Variants in TGFA observed in about 807,000 individuals in gnomAD.
TGFA encodes transforming growth factor alpha.
A neutral mutation model predicts 21.7 loss-of-function variants in TGFA; 12 were observed. The ratio of observed to expected loss-of-function variants is 0.55; its 90% CI spans 0.35 to 0.90. The LOEUF is 0.90. Ranked by LOEUF, TGFA falls within the 40% of genes least tolerant of loss-of-function variation. The probability of loss-of-function intolerance (pLI) is 0.01; values close to 1 mark genes in which losing one functional copy is unlikely to be tolerated. For missense variants in TGFA, 178 were observed against 210.8 expected (o/e 0.84, Z 0.96); for synonymous variants, 79 against 88.1 (o/e 0.90, Z 0.58).
chr2:70,474,969 C>CGTGTGTGTGTGTGTGTGT (rs57147767), intron 2 of TGFA, among the ~76,000 whole-genome samples: 1 of 147,592 alleles, frequency 6.8e-6, no homozygotes, highest in Admixed American at 6.7e-5. Flanking sequence ...ACACAGCAGC[C>CGTGTGTGTGTGTGTGTGT]GTGTGTGTGT....
Position 70,508,435 on chromosome 2 carries a change from A to G in TGFA, c.94+6424T>C, listed in dbSNP as rs186904520. ...ACGCTAGCCTGGGTGACAAGAGCAA[A>G]ACTCCATCTCAAAACAAACAAACAA... is the stretch of plus-strand genomic sequence containing the variant. On this transcript the variant is annotated intron_variant, in intron 2 of 5. Coordinates refer to ENST00000295400, the MANE Select transcript of TGFA (RefSeq NM_003236.4). Among the ~76,000 whole-genome samples the G allele has an allele frequency of 8.5e-4, 130 of 152,268 alleles. 1 individual carries two copies. Among genetic ancestry groups the G allele is most frequent in the Middle Eastern group, 3.4e-3 (1 of 294 alleles).
At chr2:70,476,091 A>AT (rs1286028448) in intron 2 of TGFA, among the ~76,000 whole-genome samples, 3 of 149,980 alleles carry the variant, frequency 2.0e-5, no homozygotes, top group African/African-American at 4.9e-5. Context: ...AAAAAAAAAA[A>AT]AAAAAAAAAA....
chr2:70,488,161 C>T (rs1197182220), intron 2 of TGFA, among the ~76,000 whole-genome samples: 1 of 152,072 alleles, frequency 6.6e-6, no homozygotes, highest in African/African-American at 2.4e-5. Flanking sequence ...TCTTTCTTGT[C>T]TATTTGAAAG....
chr2:70,482,808 C>T (rs1278104099), intron 2 of TGFA, among the ~76,000 whole-genome samples: 1 of 152,044 alleles, frequency 6.6e-6, no homozygotes, highest in Non-Finnish European at 1.5e-5. Context: ...TAAACTTTTC[C>T]TTATATGTCT....
chr2:70,489,761 A>ATC (rs1671373884), intron 2 of TGFA, among the ~76,000 whole-genome samples: 1 of 152,218 alleles, frequency 6.6e-6, no homozygotes, highest in South Asian at 2.1e-4. Flanking sequence ...CTTGCTGTTC[A>ATC]AAATGTGGTC....
chr2:70,535,338 T>C (rs1672941615), intron 1 of TGFA, among the ~76,000 whole-genome samples: 1 of 152,214 alleles, frequency 6.6e-6, no homozygotes, highest in South Asian at 2.1e-4. Flanking sequence ...TTTGCATTAA[T>C]AACACCAGAC....
intron 1 of TGFA, among the ~76,000 whole-genome samples, chr2:70,531,898 A>G (rs1311602406): frequency 6.6e-6 from 1 of 152,252 alleles, no homozygotes; most frequent in Non-Finnish European, 1.5e-5. Context: ...AAGTCCATGA[A>G]GTAGGAAATG....
intron 2 of TGFA, among the ~76,000 whole-genome samples, chr2:70,503,581 AT>A (rs201309956): frequency 0.017 from 2,466 of 147,440 alleles, 74 homozygotes; most frequent in African/African-American, 0.056. Context: ...AATAATAATA[AT>A]AAAAAAAAAA....
chr2:70,552,745 G>C (rs1673551836), intron 1 of TGFA, among the ~76,000 whole-genome samples: 1 of 152,236 alleles, frequency 6.6e-6, no homozygotes, highest in Admixed American at 6.5e-5. Context: ...GCTTTCCACA[G>C]ACTCTAACCA....
rs146962706 is a variant in TGFA at position 70,453,313 on chromosome 2, C to T, written c.380G>A (p.Arg127Gln). The change falls in exon 5 of 6, where the codon CGA (arginine) becomes CAA (glutamine). Residue 127 changes from arginine to glutamine, a missense_variant. Physicochemically the swap from Arg to Gln is conservative, Grantham distance 43. Coordinates refer to ENST00000295400, the MANE Select transcript of TGFA (RefSeq NM_003236.4). ...GGCCCGGCACCACTCACAGTGTTTT[C>T]GGACCTGGCAGCAGCTGCAAAGACA... The part of the protein sequence containing the change: ...TCVLIHCCQV[R>Q]KHCEWCRALI... 209 of 1,613,484 alleles carry T rather than the reference C, an allele frequency of 1.3e-4. No homozygotes were observed. In the African/African-American group the frequency reaches 2.2e-3, roughly 17 times the overall value.
intron 2 of TGFA, among the ~76,000 whole-genome samples, chr2:70,483,155 C>G (rs1459855230): frequency 6.6e-6 from 1 of 152,134 alleles, no homozygotes; most frequent in East Asian, 1.9e-4. Flanking sequence ...CTTATACAGC[C>G]TTATGCTGGT....
intron 2 of TGFA, among the ~76,000 whole-genome samples, chr2:70,485,995 C>G (rs1297543682): frequency 6.6e-6 from 1 of 152,198 alleles, no homozygotes; most frequent in Non-Finnish European, 1.5e-5. Flanking sequence ...TCCCAAATGC[C>G]AAGCTGATAG....
At chr2:70,542,262 T>C (rs1553505269) in intron 1 of TGFA, among the ~76,000 whole-genome samples, 3 of 152,184 alleles carry the variant, frequency 2.0e-5, no homozygotes, top group African/African-American at 7.2e-5. Flanking sequence ...GCCACTTTTG[T>C]GTGACCACAT....
intron 2 of TGFA, among the ~76,000 whole-genome samples, chr2:70,499,062 T>A (rs6747503): frequency 0.062 from 9,479 of 152,258 alleles, 348 homozygotes; most frequent in Middle Eastern, 0.1. Flanking sequence ...AGTTGAGAAC[T>A]CTAGTTCTAC....
At chr2:70,521,613 G>GTTTTTTTTTTTTTTTTTTTTTTTT (rs59567780) in intron 1 of TGFA, among the ~76,000 whole-genome samples, 2 of 74,050 alleles carry the variant, frequency 2.7e-5, no homozygotes, top group African/African-American at 8.4e-5. Context: ...GTTGTTGTTT[G>GTTTTTTTTTTTTTTTTTTTTTTTT]TTTGTTTTTT....
intron 2 of TGFA, among the ~76,000 whole-genome samples, chr2:70,501,005 T>C (rs1336031879): frequency 5.9e-5 from 9 of 151,792 alleles, no homozygotes; most frequent in Admixed American, 5.9e-4. Flanking sequence ...ACTGATGTTA[T>C]GGAGCTCTTT....
At chr2:70,469,517 TAG>T (rs1553492867) in intron 2 of TGFA, among the ~76,000 whole-genome samples, 2 of 151,990 alleles carry the variant, frequency 1.3e-5, no homozygotes, top group East Asian at 1.9e-4. Flanking sequence ...TGTATCTTAG[TAG>T]AGAGACAGAG....
intron 1 of TGFA, among the ~76,000 whole-genome samples, chr2:70,551,113 A>G (rs1265118647): frequency 6.6e-6 from 1 of 152,224 alleles, no homozygotes; most frequent in African/African-American, 2.4e-5. Flanking sequence ...ACTACATACC[A>G]GGCACCCTTC....
chr2:70,508,025 A>T (rs1671981722), intron 2 of TGFA, among the ~76,000 whole-genome samples: 1 of 152,256 alleles, frequency 6.6e-6, no homozygotes. Context: ...TATGTAACTT[A>T]ATTACATATT....
Sources: allele counts gnomAD v4.1 joint callset (sites outside exome capture counted in the v4.1 genomes callset), GRCh38; gene constraint gnomAD v4.1.1; transcripts MANE v1.5; gene names NCBI Gene and HGNC (gene_info 2026-07-23, HGNC 2026-07-21).